PTPRM: variants seen among roughly 807,000 people sequenced by gnomAD.
The protein encoded by PTPRM is receptor-type tyrosine-protein phosphatase mu.
Under a neutral mutation model 186.7 loss-of-function variants are expected in PTPRM, and 47 were observed. The observed-to-expected ratio is 0.25, with a 90% confidence interval of 0.20 to 0.32. The LOEUF (loss-of-function observed/expected upper bound fraction) is 0.32, where lower values mean the gene tolerates loss of function less well. Among genes scored for constraint, PTPRM ranks in the 10% least tolerant of loss-of-function variants. The pLI is 1.00. For synonymous variants in PTPRM, 668 were observed against 674.9 expected, an observed-to-expected ratio of 0.99 and a Z score of 0.16; for missense variants, 1,494 against 1,865.0, an observed-to-expected ratio of 0.80 and a Z score of 3.66.
At chr18:7,804,763 C>G (rs2044151055) in intron 2 of PTPRM, among the ~76,000 whole-genome samples, 2 of 152,176 alleles carry the variant, frequency 1.3e-5, no homozygotes, top group Admixed American at 1.3e-4. Context: ...TTTTAGATCA[C>G]TTTCTTCCCT....
At chr18:8,003,735 T>G (rs1434067680) in intron 7 of PTPRM, among the ~76,000 whole-genome samples, 1 of 152,236 alleles carries the variant, frequency 6.6e-6, no homozygotes, top group Non-Finnish European at 1.5e-5. Context: ...TCTTTGCATC[T>G]GTATAATTGC....
chr18:8,300,244 T>C (rs141059167), intron 20 of PTPRM, among the ~76,000 whole-genome samples: 1 of 152,240 alleles, frequency 6.6e-6, no homozygotes, highest in Non-Finnish European at 1.5e-5. Context: ...AAAAGACCTC[T>C]CAGGCAAAAG....
chr18:7,946,013 T>A (rs538489821), intron 5 of PTPRM, among the ~76,000 whole-genome samples: 1 of 152,312 alleles, frequency 6.6e-6, no homozygotes, highest in South Asian at 2.1e-4. Context: ...GAGTTAAAAA[T>A]TTATTAAAGG....
intron 2 of PTPRM, among the ~76,000 whole-genome samples, chr18:7,853,703 G>A (rs1465625219): frequency 3.9e-5 from 6 of 152,000 alleles, no homozygotes; most frequent in African/African-American, 1.2e-4. Context: ...TTGGAAAGGG[G>A]GAATAGAATG....
chr18:7,669,680 G>C (rs148188272), intron 1 of PTPRM, among the ~76,000 whole-genome samples: 2 of 152,138 alleles, frequency 1.3e-5, no homozygotes, highest in African/African-American at 4.8e-5. Flanking sequence ...CCCCATGCAA[G>C]GCACATGTGG....
chr18:8,143,541 T>C, intron 13 of PTPRM, 106 bp from the exon 14 acceptor site: 1 of 1,193,436 alleles, frequency 8.4e-7, no homozygotes, highest in Non-Finnish European at 1.2e-6. Context: ...CTGCTGGCTC[T>C]GATAAGTCTT....
intron 19 of PTPRM, among the ~76,000 whole-genome samples, chr18:8,276,576 G>A (rs1289076633): frequency 6.6e-6 from 1 of 152,158 alleles, no homozygotes; most frequent in African/African-American, 2.4e-5. Context: ...CCATTTCCAT[G>A]TGTGATCTCA....
chr18:7,820,690 G>T lies in PTPRM; in HGVS notation c.196+46419G>T, dbSNP rs990715453. On this transcript the variant is annotated intron_variant, in intron 2 of 32. Coordinates refer to ENST00000580170, the MANE Select transcript of PTPRM (RefSeq NM_001105244.2). ...TGGAAGGTTCCAGGCCTCTTATGTT[G>T]CCAGGCTGATGATCCTCTGGGCACA... Among the ~76,000 whole-genome samples the T allele has an allele frequency of 2.0e-5, 3 of 152,082 alleles. No homozygotes were observed. In the East Asian group the frequency reaches 5.8e-4, roughly 29 times the overall value.
intron 14 of PTPRM, among the ~76,000 whole-genome samples, chr18:8,189,762 G>A (rs2093686997): frequency 6.6e-6 from 1 of 152,122 alleles, no homozygotes. Flanking sequence ...AGTGACTGCT[G>A]GGTTACCCAT....
chr18:7,906,427 T>C, intron 3 of PTPRM, 78 bp from the exon 4 acceptor site: 2 of 1,067,340 alleles, frequency 1.9e-6, no homozygotes, highest in East Asian at 2.5e-5. Flanking sequence ...AACGAAATTA[T>C]GTGTCTTATA....
intron 6 of PTPRM, among the ~76,000 whole-genome samples, chr18:7,952,564 C>T (rs147076770): frequency 0.039 from 5,868 of 151,698 alleles, 246 homozygotes; most frequent in African/African-American, 0.11. Context: ...GGCATGGTGG[C>T]GGGCGCCTGT....
intron 1 of PTPRM, among the ~76,000 whole-genome samples, chr18:7,647,058 A>T (rs887726104): frequency 1.3e-5 from 2 of 152,170 alleles, no homozygotes; most frequent in African/African-American, 2.4e-5. Context: ...ATCTTAAACA[A>T]CATGTTCCTG....
At chr18:8,400,932 T>G (rs1038291020) in intron 32 of PTPRM, among the ~76,000 whole-genome samples, 6 of 151,994 alleles carry the variant, frequency 3.9e-5, no homozygotes, top group African/African-American at 1.5e-4. Flanking sequence ...GAATCAGAGG[T>G]GAGCTAGGGT....
At chr18:7,575,576 G>A (rs1308669283) in intron 1 of PTPRM, among the ~76,000 whole-genome samples, 1 of 152,126 alleles carries the variant, frequency 6.6e-6, no homozygotes, top group African/African-American at 2.4e-5. Flanking sequence ...TTTCTGCTGT[G>A]TCATATGTTG....
At chr18:8,168,664 A>C (rs1381755962) in intron 14 of PTPRM, among the ~76,000 whole-genome samples, 1 of 152,270 alleles carries the variant, frequency 6.6e-6, no homozygotes, top group Non-Finnish European at 1.5e-5. Flanking sequence ...AGGAGAAAAG[A>C]GATCCAACTA....
chr18:8,165,262 A>G (rs1445956593), intron 14 of PTPRM, among the ~76,000 whole-genome samples: 1 of 152,134 alleles, frequency 6.6e-6, no homozygotes, highest in Non-Finnish European at 1.5e-5. Context: ...TCATCATTCT[A>G]ATCAATGGTC....
intron 2 of PTPRM, among the ~76,000 whole-genome samples, chr18:7,829,866 AC>A (rs1416808117): frequency 1.3e-5 from 2 of 151,848 alleles, no homozygotes; most frequent in East Asian, 3.9e-4. Context: ...GTATCTATTT[AC>A]TTTCCCCCCT....
At chr18:8,280,223 C>G (rs969877461) in intron 19 of PTPRM, among the ~76,000 whole-genome samples, 2 of 152,050 alleles carry the variant, frequency 1.3e-5, no homozygotes, top group African/African-American at 2.4e-5. Context: ...CACGCATGCC[C>G]CAGGGTCTCT....
At chr18:7,837,551 T>G (rs2046112407) in intron 2 of PTPRM, among the ~76,000 whole-genome samples, 1 of 151,882 alleles carries the variant, frequency 6.6e-6, no homozygotes, top group African/African-American at 2.4e-5. Context: ...ACCTCCGAGG[T>G]TCAAGTGATT....
Sources: allele counts gnomAD v4.1 joint callset (sites outside exome capture counted in the v4.1 genomes callset), GRCh38; gene constraint gnomAD v4.1.1; transcripts MANE v1.5; gene names NCBI Gene and HGNC (gene_info 2026-07-23, HGNC 2026-07-21).